Variants in SLC19A1 observed in about 807,000 individuals in gnomAD.
SLC19A1 encodes the protein reduced folate transporter.
SLC19A1 carries 37 observed loss-of-function variants against 35.3 expected under a neutral mutation model. That is an observed-to-expected ratio of 1.05 (90% CI 0.81 to 1.38). The LOEUF (loss-of-function observed/expected upper bound fraction) is 1.38, where lower values mean the gene tolerates loss of function less well. Among genes scored for constraint, SLC19A1 ranks in the 40% most tolerant of loss-of-function variants. The pLI is 0.00. For synonymous variants in SLC19A1, 460 were observed against 398.5 expected (o/e 1.15, Z -1.84); for missense variants, 831 against 826.9 (o/e 1.00, Z -0.06).
At chr21:45,548,899 C>T (rs2078438971), upstream of SLC19A1, among the ~76,000 whole-genome samples, 1 of 152,126 alleles carries the variant, frequency 6.6e-6, no homozygotes, top group African/African-American at 2.4e-5. Flanking sequence ...AAGAAGCTGA[C>T]AATACTAAGT....
At chr21:45,505,855 A>G (rs2146087613) in intron 3 of SLC19A1, 1 of 1,606,854 alleles carries the variant, frequency 6.2e-7, no homozygotes, top group Non-Finnish European at 8.5e-7. Flanking sequence ...TCTGGGCTAC[A>G]CGCCAGGCCA....
intron 5 of SLC19A1, among the ~76,000 whole-genome samples, chr21:45,524,109 C>T (rs1353680551): frequency 2.0e-5 from 3 of 151,356 alleles, no homozygotes; most frequent in South Asian, 4.2e-4. Flanking sequence ...TGAGCGTTCA[C>T]CCCTGGGCCT....
intron 3 of SLC19A1, chr21:45,505,190 C>T (rs1176134047): frequency 1.2e-6 from 2 of 1,605,370 alleles, no homozygotes; most frequent in Admixed American, 1.7e-5. Flanking sequence ...CTCAGGGACC[C>T]CCCGGCATCG....
At chr21:45,537,559 CCGGCACCCACG>C in intron 2 of SLC19A1, among the ~76,000 whole-genome samples, 1 of 147,080 alleles carries the variant, frequency 6.8e-6, no homozygotes, top group African/African-American at 2.5e-5. Flanking sequence ...GCCCGGCACC[CCGGCACCCACG>C]TGCCTATTCC....
Position 45,530,845 on chromosome 21 carries a change from G to C in SLC19A1, c.1076C>G (p.Pro359Arg). The C allele has an allele frequency of 6.6e-7, 1 of 1,513,530 alleles. No individual in the cohort carries two copies. The highest frequency in any genetic ancestry group is 8.8e-7 in the Non-Finnish European group (1 of 1,130,576). The allele number at this position is 1,513,530 out of a possible 1,614,324, so 93.8% of individuals were successfully genotyped here. The change falls in exon 4 of 6, where the codon CCG becomes CGG. Residue 359 changes from proline to arginine, a missense_variant. Coordinates refer to ENST00000311124, the MANE Select transcript of SLC19A1 (RefSeq NM_194255.4). This position sits in a 1 kb window ranked among gnomAD's most constrained non-coding sequence, Gnocchi z 5.3. ...CGCATAGCACAGCCAGATGCTGCTC[G>C]GGTGGCGCGTGTGCGCCAGAAGGAA... ...LVFLLAHTRH[P>R]SSIWLCYAAF...
At chr21:45,517,000 G>A (rs2037980118) in intron 5 of SLC19A1, among the ~76,000 whole-genome samples, 1 of 152,206 alleles carries the variant, frequency 6.6e-6, no homozygotes. Flanking sequence ...CACCTGGGAA[G>A]ACTCTGAAAG....
rs143614336 is a variant in SLC19A1, at chr21:45,523,437, C to T, written c.1293+2380G>A. Among the ~76,000 whole-genome samples the T allele has an allele frequency of 1.5e-3, 226 of 152,318 alleles. 2 individuals are homozygous for T. The highest frequency in any genetic ancestry group is 4.0e-3 in the African/African-American group (166 of 41,546). On this transcript the variant is annotated intron_variant, in intron 5 of 5. Coordinates refer to ENST00000311124, the MANE Select transcript of SLC19A1 (RefSeq NM_194255.4). The stretch of plus-strand genomic sequence containing the variant: ...AGAGCTGTCTCCCCCACAGCCTCCA[C>T]GGCCACACCAGGACCAGGACCAGCT...
chr21:45,509,374 T>C, downstream of SLC19A1: 1 of 1,543,146 alleles, frequency 6.5e-7, no homozygotes, highest in East Asian at 2.4e-5. Context: ...AGTGGCCGCC[T>C]TGCAGCCCCC....
At chr21:45,525,076 G>T (rs560634764) in intron 5 of SLC19A1, among the ~76,000 whole-genome samples, 1 of 152,130 alleles carries the variant, frequency 6.6e-6, no homozygotes. Flanking sequence ...GCCTGCTATT[G>T]CCCGGGCCTT....
chr21:45,512,040 C>T (rs2037640845), downstream of SLC19A1: 1 of 825,272 alleles, frequency 1.2e-6, no homozygotes, highest in Admixed American at 2.1e-5. Flanking sequence ...GCAGGGAGGC[C>T]ATGTGGCCCT....
chr21:45,503,367 T>G (rs1352702133), intron 3 of SLC19A1, among the ~76,000 whole-genome samples: 2 of 152,094 alleles, frequency 1.3e-5, no homozygotes, highest in Non-Finnish European at 2.9e-5. Context: ...CATAAATGTC[T>G]TCTTTTGAGA....
intron 5 of SLC19A1, among the ~76,000 whole-genome samples, chr21:45,523,227 G>A (rs902636848): frequency 6.6e-6 from 1 of 152,128 alleles, no homozygotes; most frequent in Non-Finnish European, 1.5e-5. Context: ...TAACAGGCAC[G>A]GGGGCAAGAT....
rs146745022 is a variant in SLC19A1 at position 45,535,762 on chromosome 21, A to C, written c.189+2009T>G. On this transcript the variant is annotated intron_variant, in intron 2 of 5. Transcript: ENST00000311124. ...ATCCCCTAATCACCTCCAGCAAAGC[A>C]GCAGATAAGCACCTTGTAGTTCAAC... is the stretch of plus-strand genomic sequence containing the variant. 5.1e-3 allele frequency among the ~76,000 whole-genome samples: 778 copies of C among 152,360 alleles called. 3 individuals are homozygous for C. Among genetic ancestry groups the C allele is most frequent in the African/African-American group, 0.017 (725 of 41,584 alleles).
chr21:45,544,803 A>T (rs541537683), upstream of SLC19A1, among the ~76,000 whole-genome samples: 21 of 151,922 alleles, frequency 1.4e-4, no homozygotes, highest in African/African-American at 4.8e-4. Flanking sequence ...GCAGTGCCCC[A>T]TCCCCAGCTC....
chr21:45,533,013 G>A lies in SLC19A1; in HGVS notation c.190-865C>T, dbSNP rs7509663. Among the ~76,000 whole-genome samples the A allele has an allele frequency of 0.51, 77,304 of 151,572 alleles. 20,562 individuals are homozygous for A. The highest frequency in any genetic ancestry group is 0.6 in the South Asian group (2,903 of 4,816). ...GGTAGGGCAGAGGGCCCTGGGCTGT[G>A]CACTCCCATCTCACACTTGTCCCCA... is the stretch of plus-strand genomic sequence containing the variant. On this transcript the variant is annotated intron_variant, in intron 2 of 5. Transcript: ENST00000311124. The surrounding 1 kb of genome is among the most constrained non-coding windows in gnomAD (Gnocchi z 4.5).
intron 1 of SLC19A1, among the ~76,000 whole-genome samples, chr21:45,552,972 A>G (rs1419477468): frequency 1.3e-5 from 2 of 151,858 alleles, no homozygotes; most frequent in Non-Finnish European, 2.9e-5. Flanking sequence ...GGCGCCCCCC[A>G]TGTGCTCACT....
chr21:45,510,161 T>C (rs1291336662), downstream of SLC19A1: 10 of 1,597,268 alleles, frequency 6.3e-6, no homozygotes, highest in Non-Finnish European at 8.5e-6. Flanking sequence ...GCCGTGGGGC[T>C]GGCGGGCACC....
At chr21:45,556,067 G>A (rs919671642) in intron 1 of SLC19A1, among the ~76,000 whole-genome samples, 6 of 152,184 alleles carry the variant, frequency 3.9e-5, no homozygotes, top group Admixed American at 3.9e-4. Flanking sequence ...ACAGAAGCTG[G>A]GGTGGGGCAC....
chr21:45,510,643 G>A (rs2037525661), downstream of SLC19A1, among the ~76,000 whole-genome samples: 1 of 152,228 alleles, frequency 6.6e-6, no homozygotes, highest in African/African-American at 2.4e-5. Flanking sequence ...CATGCGGGCT[G>A]GTGGCCCCTC....
Sources: gnomAD v4.1 joint callset for allele counts (sites outside exome capture counted in the v4.1 genomes callset) on GRCh38, gnomAD v4.1.1 for gene constraint, Gnocchi (gnomAD v3.1) non-coding constraint, MANE v1.5 for transcripts, NCBI Gene and HGNC (gene_info 2026-07-23, HGNC 2026-07-21) for gene names.